Variants in OTOG observed in about 807,000 individuals in gnomAD.
OTOG encodes otogelin.
Under a neutral mutation model 313.8 loss-of-function variants are expected in OTOG, and 296 were observed. The ratio of observed to expected loss-of-function variants is 0.94; its 90% CI spans 0.86 to 1.04. OTOG has a LOEUF of 1.04. Among genes scored for constraint, OTOG ranks in the 50% least tolerant of loss-of-function variants. The pLI is 0.00. For missense variants in OTOG, 3,948 were observed against 3,840.1 expected, an observed-to-expected ratio of 1.03 and a Z score of -0.74; for synonymous variants, 1,533 against 1,554.9, an observed-to-expected ratio of 0.99 and a Z score of 0.33.
intron 53 of OTOG, among the ~76,000 whole-genome samples, chr11:17,643,249 C>T (rs1848009994): frequency 6.6e-6 from 1 of 152,248 alleles, no homozygotes; most frequent in African/African-American, 2.4e-5. Flanking sequence ...TTGACCCAGG[C>T]TCCTGCCGCA....
In OTOG at chr11:17,609,251, T is replaced by G. The variant is rs1392152783; in HGVS notation, c.4354+42T>G. On this transcript the variant is annotated intron_variant, in intron 35 of 55. Transcript: ENST00000399397. Reference sequence around the variant, plus strand: ...TCTCATCCTTCCCTCAGATTTCCTCTAAGTCCCTAGGGTCTCACTGAGCAG... The same window carrying G: ...TCTCATCCTTCCCTCAGATTTCCTCGAAGTCCCTAGGGTCTCACTGAGCAG... 7 of 1,518,302 alleles carry G rather than the reference T, an allele frequency of 4.6e-6. No individual in the cohort carries two copies. The African/African-American group carries it at 6.9e-5, about 15-fold the overall frequency. The allele number at this position is 1,518,302 out of a possible 1,614,324, so 94.1% of individuals were successfully genotyped here.
intron 31 of OTOG, 49 bp downstream of exon 31, chr11:17,599,746 G>T: frequency 3.9e-6 from 6 of 1,539,304 alleles, no homozygotes; most frequent in Non-Finnish European, 4.4e-6. Flanking sequence ...GGCACTGCCA[G>T]CCCTGTCCTG....
In OTOG at chr11:17,572,213, G is replaced by T. The variant is rs1055177582; in HGVS notation, c.2080+9G>T. On this transcript the variant is annotated intron_variant, in intron 18 of 55. Coordinates refer to ENST00000399397, the MANE Select transcript of OTOG (RefSeq NM_001292063.2). ...TGTGCACCTGCAAGCCGGTGAGTTGGTGGGGGAAGAGGAGAGGCATGGTTG... is the reference window on the plus strand; with the variant it reads ...TGTGCACCTGCAAGCCGGTGAGTTGTTGGGGGAAGAGGAGAGGCATGGTTG... 6.4e-7 allele frequency: 1 copy of T among 1,550,392 alleles called. No homozygotes were observed. The highest frequency in any genetic ancestry group is 8.7e-7 in the Non-Finnish European group (1 of 1,146,800).
intron 30 of OTOG, among the ~76,000 whole-genome samples, chr11:17,599,248 TC>T (rs749268062): frequency 7.2e-5 from 11 of 152,128 alleles, no homozygotes; most frequent in Non-Finnish European, 1.6e-4. Flanking sequence ...CCGGTCCCCT[TC>T]CCACCGAAGG....
intron 4 of OTOG, among the ~76,000 whole-genome samples, chr11:17,552,852 T>A (rs774003921): frequency 1.4e-4 from 21 of 152,340 alleles, no homozygotes; most frequent in Middle Eastern, 3.4e-3. Flanking sequence ...CAGGAACAGC[T>A]CTAGCAACTG....
At chr11:17,596,677 C>T (rs955688229) in intron 29 of OTOG, among the ~76,000 whole-genome samples, 174 bp from the exon 30 acceptor site, 1 of 152,232 alleles carries the variant, frequency 6.6e-6, no homozygotes, top group East Asian at 1.9e-4. Context: ...TGGACATCTG[C>T]CTGGACCATG....
At position 17,640,792 on chromosome 11, in the gene OTOG, T is replaced by C. The variant is rs1213714030; in HGVS notation, c.7983T>C (p.Asn2661=). ...LDEEFMHSVE[N]VCGCAKYECV... is the part of the protein sequence containing the mutation. ...AGGAGTTCATGCACAGCGTGGAGAATGTGTGTGGCTGCGCCAAGTACGAGT... is the reference window on the plus strand; with the variant it reads ...AGGAGTTCATGCACAGCGTGGAGAACGTGTGTGGCTGCGCCAAGTACGAGT... The change falls in exon 50 of 56, where the codon AAT becomes AAC. Residue 2661 remains asparagine, a synonymous_variant. Coordinates refer to ENST00000399397, the MANE Select transcript of OTOG (RefSeq NM_001292063.2). 5.2e-6 allele frequency: 8 copies of C among 1,550,152 alleles called. No individual in the cohort carries two copies. The highest frequency in any genetic ancestry group is 7.0e-6 in the Non-Finnish European group (8 of 1,147,000).
chr11:17,645,693 G>T, intron 55 of OTOG, 50 bp downstream of exon 55: 1 of 1,550,700 alleles, frequency 6.4e-7, no homozygotes, highest in Non-Finnish European at 8.7e-7. Context: ...GGATGGAGGG[G>T]GTTTGGGGGT....
In OTOG at chr11:17,645,558, C is replaced by T. The variant is rs1848056499; in HGVS notation, c.8462-6C>T. On this transcript the variant is annotated splice_region_variant and splice_polypyrimidine_tract_variant and intron_variant, in intron 54 of 55. Transcript: ENST00000399397. The stretch of plus-strand genomic sequence containing the variant: ...CCACAGCTGCCTCATCCCCCTGTCC[C>T]CCCAGGTAAGGAGGATGGGCGCTCC... 5 of 1,550,368 alleles carry T rather than the reference C, an allele frequency of 3.2e-6. No individual in the cohort carries two copies. The Middle Eastern group carries it at 5.0e-4, about 155-fold the overall frequency.
chr11:17,608,506 T>C, intron 34 of OTOG, 93 bp downstream of exon 34: 1 of 856,606 alleles, frequency 1.2e-6, no homozygotes, highest in Non-Finnish European at 1.7e-6. Context: ...GTTTCATATG[T>C]TGAGTGTATG....
At chr11:17,579,553 T>C (rs1852618254) in intron 23 of OTOG, among the ~76,000 whole-genome samples, 2 of 152,118 alleles carry the variant, frequency 1.3e-5, no homozygotes, top group South Asian at 2.1e-4. Context: ...GTCACCTATA[T>C]AGATATCATA....
rs935731110 is a variant in OTOG at position 17,643,553 on chromosome 11, G to T, written c.8461+47G>T. The T allele has an allele frequency of 3.2e-6, 4 of 1,263,614 alleles. No individual in the cohort carries two copies. In the South Asian group the frequency reaches 5.6e-5, roughly 18 times the overall value. The allele number at this position is 1,263,614 out of a possible 1,614,324, so 78.3% of individuals were successfully genotyped here. A position where few individuals can be genotyped will look rare whatever the true frequency, so the allele number is the denominator to read the frequency against. Reference sequence around the variant, plus strand: ...CCAGGGGTGGGGGGCTCTGATGGGGGCACAGGGTGTCATGTCAGGGGACAG... The same window carrying T: ...CCAGGGGTGGGGGGCTCTGATGGGGTCACAGGGTGTCATGTCAGGGGACAG... On this transcript the variant is annotated intron_variant, in intron 54 of 55. Coordinates refer to ENST00000399397, the MANE Select transcript of OTOG (RefSeq NM_001292063.2).
At position 17,556,921 on chromosome 11, in the gene OTOG, C is replaced by T. The variant is rs539678130; in HGVS notation, c.660-197C>T. Among the ~76,000 whole-genome samples, 64 of 152,286 alleles carry T rather than the reference C, an allele frequency of 4.2e-4. 1 individual carries two copies. Among genetic ancestry groups the T allele is most frequent in the Non-Finnish European group, 1.0e-4 (7 of 68,026 alleles). On this transcript the variant is annotated intron_variant, in intron 7 of 55. Coordinates refer to ENST00000399397, the MANE Select transcript of OTOG (RefSeq NM_001292063.2). The stretch of plus-strand genomic sequence containing the variant: ...GATTTATTCCTGCCCAGGAAATTGC[C>T]GTCTTAAAAAATTTCTAAAGACAAA...
chr11:17,596,799 G>T (rs1853120375), intron 29 of OTOG, 52 bp from the exon 30 acceptor site: 2 of 1,488,102 alleles, frequency 1.3e-6, no homozygotes. Context: ...AAAAGATGCA[G>T]ATCTGACATT....
chr11:17,643,947 T>G (rs1466258100), intron 54 of OTOG, among the ~76,000 whole-genome samples: 5 of 152,196 alleles, frequency 3.3e-5, no homozygotes, highest in Non-Finnish European at 7.3e-5. Context: ...CCGCCTCTCC[T>G]CCACGGGTTA....
At chr11:17,645,719 T>G (rs1409259979) in intron 55 of OTOG, 25 bp from the exon 56 acceptor site, 2 of 1,550,762 alleles carry the variant, frequency 1.3e-6, no homozygotes, top group Non-Finnish European at 1.7e-6. Context: ...CACCACAGAC[T>G]GCCTCACTGG....
chr11:17,594,257 C>T, intron 28 of OTOG, 91 bp downstream of exon 28: 1 of 1,481,260 alleles, frequency 6.8e-7, no homozygotes, highest in South Asian at 1.2e-5. Flanking sequence ...AAGAGGGATG[C>T]TGGTGTGAGG....
intron 23 of OTOG, among the ~76,000 whole-genome samples, chr11:17,585,287 C>T (rs1029917302): frequency 1.6e-4 from 25 of 152,148 alleles, no homozygotes; most frequent in African/African-American, 5.5e-4. Flanking sequence ...CAAATTTATT[C>T]ACTTAACATC....
chr11:17,634,371 G>A (rs1854208334), intron 44 of OTOG, 90 bp downstream of exon 44: 4 of 1,380,354 alleles, frequency 2.9e-6, no homozygotes, highest in Non-Finnish European at 3.0e-6. Context: ...GATAGGACAA[G>A]GCCTAGGAAA....
Sources: allele counts gnomAD v4.1 joint callset (sites outside exome capture counted in the v4.1 genomes callset), GRCh38; gene constraint gnomAD v4.1.1; transcripts MANE v1.5; gene names NCBI Gene and HGNC (gene_info 2026-07-23, HGNC 2026-07-21).